XDH: variants seen among roughly 807,000 people sequenced by gnomAD.
XDH encodes the protein xanthine dehydrogenase.
In XDH, 138 loss-of-function variants were observed where a neutral mutation model predicts 156.1. The observed-to-expected ratio is 0.88, with a 90% CI of 0.77 to 1.02. The LOEUF (loss-of-function observed/expected upper bound fraction) is 1.02, where lower values mean the gene tolerates loss of function less well. XDH is among the 50% of genes least tolerant of loss of function. XDH has a pLI of 0.00. For missense variants in XDH, 1,849 were observed against 1,684.9 expected (o/e 1.10, Z -1.71); for synonymous variants, 669 against 625.7 (o/e 1.07, Z -1.03).
intron 30 of XDH, among the ~76,000 whole-genome samples, chr2:31,346,513 A>T (rs1261077613): frequency 1.3e-5 from 2 of 152,154 alleles, no homozygotes; most frequent in Non-Finnish European, 2.9e-5. Flanking sequence ...GAAAACCCTG[A>T]TTCCCACAAG....
rs1394476413 is a variant in XDH, at chr2:31,335,016, T to C, written c.*942A>G. 6.6e-6 allele frequency: 1 copy of C among 152,168 alleles called. No homozygotes were observed. The highest frequency in any genetic ancestry group is 1.5e-5 in the Non-Finnish European group (1 of 68,038). The allele number at this position is 152,168 out of a possible 1,614,324, so 9.4% of individuals were successfully genotyped here. A position where few individuals can be genotyped will look rare whatever the true frequency, so the allele number is the denominator to read the frequency against. On this transcript the variant is annotated 3_prime_UTR_variant, in exon 36 of 36. Coordinates refer to ENST00000379416, the MANE Select transcript of XDH (RefSeq NM_000379.4). ...TTTCAAGTAGTTGGGACTACAGGCA[T>C]GCACTATCAAGACCAACTAATTAAA...
At chr2:31,349,171 A>G (rs1023027353) in intron 26 of XDH, among the ~76,000 whole-genome samples, 191 bp from the exon 27 acceptor site, 2 of 152,244 alleles carry the variant, frequency 1.3e-5, no homozygotes, top group African/African-American at 4.8e-5. Flanking sequence ...GTACTGGGTC[A>G]GAGTGCCCTG....
intron 16 of XDH, among the ~76,000 whole-genome samples, chr2:31,373,118 G>T (rs957990894): frequency 6.6e-6 from 1 of 152,094 alleles, no homozygotes; most frequent in African/African-American, 2.4e-5. Flanking sequence ...TTATGAAACA[G>T]GTATGTGATT....
chr2:31,365,552 T>C lies in XDH; in HGVS notation c.2457-8A>G. ...CGCACAGGGCGGCCGGTCCTGGGGG[T>C]TACCGACAGTGTTAGAAGCCTGTGA... On this transcript the variant is annotated splice_region_variant and splice_polypyrimidine_tract_variant and intron_variant, in intron 22 of 35. Coordinates refer to ENST00000379416, the MANE Select transcript of XDH (RefSeq NM_000379.4). 6.2e-7 allele frequency: 1 copy of C among 1,613,976 alleles called. No homozygotes were observed. Among genetic ancestry groups the C allele is most frequent in the Non-Finnish European group, 8.5e-7 (1 of 1,179,972 alleles).
At chr2:31,390,091 C>T (rs1478861987) in intron 6 of XDH, among the ~76,000 whole-genome samples, 1 of 152,170 alleles carries the variant, frequency 6.6e-6, no homozygotes, top group Non-Finnish European at 1.5e-5. Flanking sequence ...TTGACAAATG[C>T]ATGATTACAG....
At chr2:31,405,999 G>T (rs1308054030) in intron 1 of XDH, 35 bp from the exon 2 acceptor site, 3 of 1,602,818 alleles carry the variant, frequency 1.9e-6, no homozygotes, top group East Asian at 2.2e-5. Context: ...TATATCATAG[G>T]TATACTTAGT....
At chr2:31,399,968 A>G (rs532558775) in intron 4 of XDH, among the ~76,000 whole-genome samples, 22 of 152,290 alleles carry the variant, frequency 1.4e-4, no homozygotes, top group African/African-American at 4.8e-4. Flanking sequence ...GTTTGTTTCA[A>G]AGAAAATAAC....
At chr2:31,339,183 C>T (rs989090837) in intron 34 of XDH, among the ~76,000 whole-genome samples, 1 of 152,102 alleles carries the variant, frequency 6.6e-6, no homozygotes, top group Non-Finnish European at 1.5e-5. Flanking sequence ...GTGACGTACG[C>T]CTGAGATATG....
At chr2:31,404,359 T>A (rs1687141320) in intron 2 of XDH, among the ~76,000 whole-genome samples, 1 of 152,152 alleles carries the variant, frequency 6.6e-6, no homozygotes, top group African/African-American at 2.4e-5. Context: ...TCTAGCAAGG[T>A]CTTCTTCCAG....
chr2:31,391,079 A>G (rs206850), intron 6 of XDH, among the ~76,000 whole-genome samples: 6,515 of 152,168 alleles, frequency 0.043, 242 homozygotes, highest in African/African-American at 0.096. Flanking sequence ...GTTTTCTCCT[A>G]TGTCATCTTC....
At chr2:31,340,477 T>A (rs1384529273) in intron 33 of XDH, among the ~76,000 whole-genome samples, 1 of 152,162 alleles carries the variant, frequency 6.6e-6, no homozygotes, top group Non-Finnish European at 1.5e-5. Context: ...TTTTATTTTA[T>A]TTATTTTTTT....
Position 31,375,493 on chromosome 2 carries a change from G to C in XDH, c.1489C>G (p.Pro497Ala). 1 of 1,614,142 alleles carries C rather than the reference G, an allele frequency of 6.2e-7. No individual in the cohort carries two copies. Among genetic ancestry groups the C allele is most frequent in the Non-Finnish European group, 8.5e-7 (1 of 1,180,042 alleles). The stretch of plus-strand genomic sequence containing the variant: ...ACCATGCCACCAGGGGCATCGGGAG[G>C]CAGATGCAGCTCCTCTGCCAGTCCT... Reference protein sequence around the residue: ...CAGLAEELHLPPDAPGGMVDF... With the variant: ...CAGLAEELHLAPDAPGGMVDF... Residue 497 changes from proline to alanine, a missense_variant, in exon 15 of 36, where the codon CCT (proline) becomes GCT (alanine). By Grantham distance (27) the Pro-to-Ala change is conservative. Coordinates refer to ENST00000379416, the MANE Select transcript of XDH (RefSeq NM_000379.4).
Position 31,348,375 on chromosome 2 carries a change from G to C in XDH, c.3052-12C>G, listed in dbSNP as rs13415401. ...AGTAGGGCTCCTGCCTAGGGAAAGAGAAGGATGCCAGACACAAAATTCAGT... is the reference window on the plus strand; with the variant it reads ...AGTAGGGCTCCTGCCTAGGGAAAGACAAGGATGCCAGACACAAAATTCAGT... On this transcript the variant is annotated splice_polypyrimidine_tract_variant and intron_variant, in intron 27 of 35. Coordinates refer to ENST00000379416, the MANE Select transcript of XDH (RefSeq NM_000379.4). 1,235,175 of 1,613,090 alleles carry C rather than the reference G, an allele frequency of 0.77. 473,636 individuals are homozygous for C. Among genetic ancestry groups the C allele is most frequent in the East Asian group, 0.85 (38,344 of 44,862 alleles).
At position 31,370,259 on chromosome 2, in the gene XDH, T is replaced by C. The variant is rs10181969; in HGVS notation, c.1980+96A>G. 58,324 of 1,443,858 alleles carry C rather than the reference T, an allele frequency of 0.04. 2,126 individuals carry two copies. The highest frequency in any genetic ancestry group is 0.17 in the African/African-American group (12,347 of 71,394). The allele number at this position is 1,443,858 out of a possible 1,614,324, so 89.4% of individuals were successfully genotyped here. A position where few individuals can be genotyped will look rare whatever the true frequency, so the allele number is the denominator to read the frequency against. On this transcript the variant is annotated intron_variant, in intron 18 of 35. Transcript: ENST00000379416. The stretch of plus-strand genomic sequence containing the variant: ...ATGATGGCCATAATCCATGCAAATG[T>C]ATAACCTTTCCAGATCAGGAGTTTG...
chr2:31,349,861 G>A, intron 25 of XDH, 30 bp from the exon 26 acceptor site: 2 of 1,613,218 alleles, frequency 1.2e-6, no homozygotes, highest in Non-Finnish European at 1.7e-6. Context: ...CAGAGGCCTT[G>A]TTGGCGGCAA....
intron 24 of XDH, among the ~76,000 whole-genome samples, chr2:31,355,715 A>G (rs1213288949): frequency 3.9e-5 from 6 of 152,170 alleles, no homozygotes; most frequent in African/African-American, 1.4e-4. Flanking sequence ...ATACAGAGAA[A>G]TGAAAAGCTG....
intron 1 of XDH, among the ~76,000 whole-genome samples, chr2:31,411,203 A>T (rs1026482187): frequency 1.3e-5 from 2 of 149,704 alleles, no homozygotes; most frequent in Non-Finnish European, 3.0e-5. Flanking sequence ...AATTGCTTGA[A>T]CCCAGGCGGC....
chr2:31,359,894 C>CA (rs1174803050), intron 24 of XDH, among the ~76,000 whole-genome samples: 2 of 152,104 alleles, frequency 1.3e-5, no homozygotes, highest in Non-Finnish European at 2.9e-5. Context: ...TGAGTGCCAT[C>CA]AATGGGCTTA....
chr2:31,335,845 A>C lies in XDH; in HGVS notation c.*113T>G, dbSNP rs559822500. On this transcript the variant is annotated 3_prime_UTR_variant, in exon 36 of 36. Transcript: ENST00000379416. ...TTGTCTTCCAAATCCCATCTTGACA[A>C]ATCACAGGTCTGTCATTCTGTGACT... 10 of 1,252,846 alleles carry C rather than the reference A, an allele frequency of 8.0e-6. No individual in the cohort carries two copies. In the South Asian group the frequency reaches 1.2e-4, roughly 15 times the overall value. The allele number at this position is 1,252,846 out of a possible 1,614,324, so 77.6% of individuals were successfully genotyped here.
Sources: gnomAD v4.1 joint callset for allele counts (sites outside exome capture counted in the v4.1 genomes callset) on GRCh38, gnomAD v4.1.1 for gene constraint, MANE v1.5 for transcripts, NCBI Gene and HGNC (gene_info 2026-07-23, HGNC 2026-07-21) for gene names.